ATRNL1: variants seen among roughly 807,000 people sequenced by gnomAD.
The protein encoded by ATRNL1 is attractin-like protein 1.
Under a neutral mutation model 182.7 loss-of-function variants are expected in ATRNL1, and 95 were observed. That is an observed-to-expected ratio of 0.52 (90% CI 0.44 to 0.62). The LOEUF is 0.62. Among genes scored for constraint, ATRNL1 ranks in the 20% least tolerant of loss-of-function variants. The pLI is 0.00. For synonymous variants in ATRNL1, 576 were observed against 568.3 expected (o/e 1.01, Z -0.19); for missense variants, 1,471 against 1,679.5 (o/e 0.88, Z 2.17).
At chr10:115,225,731 T>C (rs1849668547) in intron 9 of ATRNL1, among the ~76,000 whole-genome samples, 1 of 151,296 alleles carries the variant, frequency 6.6e-6, no homozygotes, top group African/African-American at 2.4e-5. Flanking sequence ...AATTTAAATA[T>C]ATCTCAGACC....
At chr10:115,554,230 C>T (rs569814716) in intron 26 of ATRNL1, among the ~76,000 whole-genome samples, 130 of 151,574 alleles carry the variant, frequency 8.6e-4, no homozygotes, top group Non-Finnish European at 1.4e-3. Context: ...TGTTGCTTGT[C>T]ATTTGCTTTT....
intron 20 of ATRNL1, among the ~76,000 whole-genome samples, chr10:115,400,660 T>C (rs546030686): frequency 1.2e-4 from 19 of 152,286 alleles, no homozygotes; most frequent in African/African-American, 4.6e-4. Context: ...GATAGTTAGA[T>C]TTTCTTACTG....
chr10:115,508,639 A>AT (rs1850234839), intron 24 of ATRNL1, among the ~76,000 whole-genome samples: 2 of 152,048 alleles, frequency 1.3e-5, no homozygotes, highest in South Asian at 4.1e-4. Flanking sequence ...CAAAACCACT[A>AT]TAACATTCCC....
intron 26 of ATRNL1, among the ~76,000 whole-genome samples, chr10:115,555,332 A>G (rs1463888801): frequency 1.3e-5 from 2 of 151,868 alleles, no homozygotes; most frequent in Non-Finnish European, 3.0e-5. Flanking sequence ...TCTTTGACTC[A>G]ATGGTTAGAT....
At chr10:115,663,739 A>G (rs1293700242) in intron 26 of ATRNL1, among the ~76,000 whole-genome samples, 1 of 152,068 alleles carries the variant, frequency 6.6e-6, no homozygotes, top group East Asian at 1.9e-4. Context: ...ATGCCAAAAA[A>G]TCGCATTGGC....
intron 27 of ATRNL1, among the ~76,000 whole-genome samples, chr10:115,750,321 C>A (rs1041770416): frequency 2.0e-5 from 3 of 151,662 alleles, no homozygotes; most frequent in South Asian, 2.1e-4. Context: ...ATATATAGAT[C>A]AAATAAAGTA....
At chr10:115,700,948 C>T (rs1239435829) in intron 26 of ATRNL1, among the ~76,000 whole-genome samples, 2 of 151,986 alleles carry the variant, frequency 1.3e-5, no homozygotes, top group Admixed American at 6.6e-5. Flanking sequence ...TATGCTTGAC[C>T]ATTTGGACCT....
intron 27 of ATRNL1, among the ~76,000 whole-genome samples, chr10:115,792,535 A>G (rs147960678): frequency 3.3e-3 from 499 of 152,190 alleles, no homozygotes; most frequent in Middle Eastern, 0.01. Context: ...AGCAGTATAT[A>G]TCTAAATTAA....
At chr10:115,440,684 TTCTA>T (rs1846626618) in intron 21 of ATRNL1, among the ~76,000 whole-genome samples, 1 of 151,948 alleles carries the variant, frequency 6.6e-6, no homozygotes, top group Admixed American at 6.6e-5. Flanking sequence ...CTCCTGTTTC[TTCTA>T]TCTACTTGTG....
intron 27 of ATRNL1, among the ~76,000 whole-genome samples, chr10:115,844,264 G>T (rs539644682): frequency 5.1e-4 from 78 of 152,154 alleles, no homozygotes; most frequent in Non-Finnish European, 6.0e-4. Flanking sequence ...CTGGAATATG[G>T]TTTCTAGTGA....
chr10:115,214,163 A>C (rs1421721936), intron 8 of ATRNL1, among the ~76,000 whole-genome samples: 2 of 152,088 alleles, frequency 1.3e-5, no homozygotes, highest in Non-Finnish European at 2.9e-5. Context: ...TGTATGTAAC[A>C]AATTGTGAAA....
intron 7 of ATRNL1, 62 bp from the exon 8 acceptor site, chr10:115,170,975 A>T: frequency 1.0e-6 from 1 of 985,988 alleles, no homozygotes; most frequent in Non-Finnish European, 1.4e-6. Context: ...CTTTATTTTT[A>T]ATTAATATGT....
chr10:115,243,256 A>G (rs1382365646), intron 10 of ATRNL1, among the ~76,000 whole-genome samples: 1 of 151,974 alleles, frequency 6.6e-6, no homozygotes, highest in South Asian at 2.1e-4. Context: ...ATGGGAATGT[A>G]TTTTTATTTT....
intron 26 of ATRNL1, among the ~76,000 whole-genome samples, chr10:115,682,083 G>T (rs1371917183): frequency 6.6e-6 from 1 of 152,074 alleles, no homozygotes; most frequent in Non-Finnish European, 1.5e-5. Flanking sequence ...TACTCTAGCT[G>T]TGAAAATAAA....
chr10:115,121,904 A>G, intron 3 of ATRNL1, 92 bp downstream of exon 3: 1 of 554,992 alleles, frequency 1.8e-6, no homozygotes, highest in Non-Finnish European at 3.2e-6. Flanking sequence ...TAAATTTAGT[A>G]AAGATATTGA....
chr10:115,187,368 A>G (rs1554888950), intron 8 of ATRNL1, among the ~76,000 whole-genome samples: 1 of 152,100 alleles, frequency 6.6e-6, no homozygotes, highest in African/African-American at 2.4e-5. Flanking sequence ...TTCTTCAAAA[A>G]TATCCATGTT....
chr10:115,604,944 C>T (rs1290212803), intron 26 of ATRNL1, among the ~76,000 whole-genome samples: 1 of 151,738 alleles, frequency 6.6e-6, no homozygotes, highest in African/African-American at 2.4e-5. Context: ...ATATATGTTA[C>T]CAAAGATATT....
chr10:115,669,730 T>G (rs375675220), intron 26 of ATRNL1, among the ~76,000 whole-genome samples: 2 of 152,096 alleles, frequency 1.3e-5, no homozygotes, highest in Non-Finnish European at 2.9e-5. Flanking sequence ...AGGTAAAAAT[T>G]GATATTCTAG....
At chr10:115,471,217 A>G (rs781938048) in intron 24 of ATRNL1, among the ~76,000 whole-genome samples, 1 of 150,898 alleles carries the variant, frequency 6.6e-6, no homozygotes, top group Non-Finnish European at 1.5e-5. Flanking sequence ...ACATATAGAT[A>G]TAAATCACGA....
Sources: gnomAD v4.1 joint callset for allele counts (sites outside exome capture counted in the v4.1 genomes callset) on GRCh38, gnomAD v4.1.1 for gene constraint, MANE v1.5 for transcripts, NCBI Gene and HGNC (gene_info 2026-07-23, HGNC 2026-07-21) for gene names.